The following UNC79 variants were observed in gnomAD, a reference collection of about 807,000 sequenced individuals.
The protein encoded by UNC79 is protein unc-79 homolog.
In UNC79, 37 loss-of-function variants were observed where a neutral mutation model predicts 283.1. The observed-to-expected ratio is 0.13, with a 90% CI of 0.10 to 0.17. The LOEUF (loss-of-function observed/expected upper bound fraction) is 0.17, where lower values mean the gene tolerates loss of function less well. Among genes scored for constraint, UNC79 ranks in the 10% least tolerant of loss-of-function variants. UNC79 has a pLI of 1.00. For missense variants in UNC79, 2,272 were observed against 3,211.1 expected (o/e 0.71, Z 7.07); for synonymous variants, 1,107 against 1,200.2 (o/e 0.92, Z 1.61).
chr14:93,660,379 T>C (rs1009406215), intron 39 of UNC79, among the ~76,000 whole-genome samples: 2 of 151,778 alleles, frequency 1.3e-5, no homozygotes, highest in Non-Finnish European at 2.9e-5. Context: ...GCCCCATCAC[T>C]ATGCTGCTCT....
intron 35 of UNC79, among the ~76,000 whole-genome samples, chr14:93,649,909 C>T (rs1328044181): frequency 6.6e-6 from 1 of 152,166 alleles, no homozygotes; most frequent in African/African-American, 2.4e-5. Flanking sequence ...CTGTGTAACC[C>T]AAACCCCTGT....
intron 33 of UNC79, among the ~76,000 whole-genome samples, chr14:93,642,333 G>A (rs185583660): frequency 1.3e-4 from 20 of 150,490 alleles, no homozygotes; most frequent in Admixed American, 2.7e-4. Flanking sequence ...GCTGAGGCAG[G>A]AGAATGTCGT....
chr14:93,433,065 G>A (rs2055939693), intron 1 of UNC79, among the ~76,000 whole-genome samples: 1 of 152,158 alleles, frequency 6.6e-6, no homozygotes, highest in South Asian at 2.1e-4. Context: ...GGATGAAAAG[G>A]ACACCATATC....
intron 33 of UNC79, among the ~76,000 whole-genome samples, chr14:93,641,659 C>A (rs1443143094): frequency 6.6e-6 from 1 of 152,044 alleles, no homozygotes; most frequent in African/African-American, 2.4e-5. Flanking sequence ...AAAAGCAAAA[C>A]AAAACAAAAC....
In UNC79 at chr14:93,689,014, G is replaced by A. The variant is rs76203491; in HGVS notation, c.7085+174G>A. The A allele has an allele frequency of 7.2e-3, 4,712 of 652,458 alleles. 25 individuals are homozygous for A. The highest frequency in any genetic ancestry group is 0.02 in the Admixed American group (545 of 26,790). The allele number at this position is 652,458 out of a possible 1,614,324, so 40.4% of individuals were successfully genotyped here. On this transcript the variant is annotated intron_variant, in intron 44 of 48. Transcript: ENST00000555664. The stretch of plus-strand genomic sequence containing the variant: ...CCTTACGTACTTGCTGACCCAGAAT[G>A]CTCTTTGACATGCTGCCAAAAAATA...
At chr14:93,689,173 A>C (rs1474565551) in intron 44 of UNC79, 1 of 281,494 alleles carries the variant, frequency 3.6e-6, no homozygotes, top group Non-Finnish European at 6.6e-6. Context: ...ATTTGCCTTC[A>C]AGCAGCTTAG....
At chr14:93,646,762 C>G in intron 35 of UNC79, 116 bp downstream of exon 38, 4 of 1,139,728 alleles carry the variant, frequency 3.5e-6, no homozygotes, top group Non-Finnish European at 5.1e-6. Flanking sequence ...GTAATCTCAG[C>G]ACTTTGGGAG....
chr14:93,381,568 G>T (rs375008926), intron 1 of UNC79, among the ~76,000 whole-genome samples: 7 of 152,328 alleles, frequency 4.6e-5, no homozygotes, highest in African/African-American at 1.7e-4. Context: ...CCAGATGAGG[G>T]CTTCTGGAGC....
chr14:93,482,114 G>A (rs556414228), intron 4 of UNC79, among the ~76,000 whole-genome samples: 2 of 152,276 alleles, frequency 1.3e-5, no homozygotes, highest in Non-Finnish European at 1.5e-5. Context: ...CAAATGCATA[G>A]TCAAATCACA....
chr14:93,644,913 A>G (rs2069435365), intron 34 of UNC79, among the ~76,000 whole-genome samples: 1 of 152,198 alleles, frequency 6.6e-6, no homozygotes, highest in Admixed American at 6.5e-5. Context: ...CAAGACTTCA[A>G]AATAGCCCAT....
chr14:93,537,508 G>A (rs1040005069), intron 11 of UNC79, among the ~76,000 whole-genome samples: 2 of 152,230 alleles, frequency 1.3e-5, no homozygotes, highest in Non-Finnish European at 2.9e-5. Context: ...CAGAGGAGCT[G>A]TAGCGGAAAT....
chr14:93,580,161 G>A, exon 19 of UNC79: 1 of 1,612,846 alleles, frequency 6.2e-7, no homozygotes, highest in South Asian at 1.1e-5. Flanking sequence ...GGAGTTACAA[G>A]ATGATGGAAT....
At chr14:93,674,962 A>C (rs1008372244) in intron 41 of UNC79, among the ~76,000 whole-genome samples, 2 of 152,208 alleles carry the variant, frequency 1.3e-5, no homozygotes, top group Non-Finnish European at 2.9e-5. Flanking sequence ...TTACTGTAAC[A>C]GCTCTTAGCT....
At chr14:93,333,348 C>T (rs1414426667) in exon 1 of UNC79, 2 of 398,464 alleles carry the variant, frequency 5.0e-6, no homozygotes, top group Non-Finnish European at 8.8e-6. Context: ...TGTGTCACTA[C>T]TACGTCACCA....
intron 1 of UNC79, among the ~76,000 whole-genome samples, chr14:93,457,656 T>C (rs769406580): frequency 3.9e-5 from 6 of 152,212 alleles, no homozygotes; most frequent in Non-Finnish European, 5.9e-5. Flanking sequence ...GCTAAGTTAA[T>C]TGTTTGGATT....
chr14:93,589,707 C>T (rs1446633018), intron 22 of UNC79, among the ~76,000 whole-genome samples: 2 of 152,046 alleles, frequency 1.3e-5, no homozygotes, highest in Non-Finnish European at 1.5e-5. Context: ...TCTTGGGAAG[C>T]AAGGGTCATT....
At chr14:93,387,064 T>C (rs966928821) in intron 1 of UNC79, among the ~76,000 whole-genome samples, 4 of 148,262 alleles carry the variant, frequency 2.7e-5, no homozygotes, top group Non-Finnish European at 6.0e-5. Flanking sequence ...TGTCTCAGCC[T>C]CCCAAGTAGC....
intron 40 of UNC79, among the ~76,000 whole-genome samples, chr14:93,666,030 A>T (rs1302582863): frequency 6.7e-6 from 1 of 148,362 alleles, no homozygotes. Flanking sequence ...TGACAATAGA[A>T]TACTAGAAAA....
intron 7 of UNC79, among the ~76,000 whole-genome samples, chr14:93,505,623 A>G (rs865959278): frequency 6.6e-6 from 1 of 152,024 alleles, no homozygotes; most frequent in African/African-American, 2.4e-5. Context: ...TAATTGGAGC[A>G]TTTAGCCCAT....
Sources: allele counts gnomAD v4.1 joint callset (sites outside exome capture counted in the v4.1 genomes callset), GRCh38; gene constraint gnomAD v4.1.1; transcripts MANE v1.5; gene names NCBI Gene and HGNC (gene_info 2026-07-23, HGNC 2026-07-21).